Variants in TRPC5 observed in about 807,000 individuals in gnomAD.
TRPC5 encodes the protein short transient receptor potential channel 5.
Under a neutral mutation model 56.5 loss-of-function variants are expected in TRPC5, and 9 were observed. The ratio of observed to expected loss-of-function variants is 0.16; its 90% CI spans 0.10 to 0.28. The LOEUF is 0.28. Among genes scored for constraint, TRPC5 ranks in the 10% least tolerant of loss-of-function variants. The pLI, the probability that TRPC5 is intolerant of heterozygous loss-of-function variation, is 1.00. For synonymous variants in TRPC5, 282 were observed against 278.5 expected (o/e 1.01, Z -0.13); for missense variants, 469 against 748.9 (o/e 0.63, Z 4.36).
At chrX:111,885,500 TA>T (rs200099189) in intron 3 of TRPC5, among the ~76,000 whole-genome samples, 2,904 of 110,458 alleles carry the variant, frequency 0.026, 94 homozygotes, top group African/African-American at 0.092. Context: ...GAAAACCCCT[TA>T]TTCCTGGAAA....
At chrX:111,879,927 T>C (rs1924127619) in intron 3 of TRPC5, among the ~76,000 whole-genome samples, 1 of 112,089 alleles carries the variant, frequency 8.9e-6, no homozygotes, top group Admixed American at 9.5e-5. Context: ...CATTTTTTTT[T>C]TTCTCAAATG....
At chrX:111,802,121 T>A (rs1459386898) in intron 7 of TRPC5, among the ~76,000 whole-genome samples, 1 of 112,191 alleles carries the variant, frequency 8.9e-6, no homozygotes, top group Non-Finnish European at 1.9e-5. Flanking sequence ...GCACCGTTTG[T>A]TAGAAAAGAC....
At chrX:111,969,067 A>G (rs1005810140) in intron 1 of TRPC5, among the ~76,000 whole-genome samples, 2 of 110,649 alleles carry the variant, frequency 1.8e-5, no homozygotes, top group Non-Finnish European at 3.8e-5. Context: ...AACAAAAAAA[A>G]TTGCCACAGC....
intron 1 of TRPC5, among the ~76,000 whole-genome samples, chrX:111,995,956 GT>G (rs1253635869): frequency 6.8e-5 from 7 of 103,563 alleles, no homozygotes; most frequent in Admixed American, 1.0e-4. Context: ...TTTTTTGAAG[GT>G]TTTTTTTTTG....
At chrX:111,844,757 G>C (rs1424038321) in intron 6 of TRPC5, among the ~76,000 whole-genome samples, 1 of 110,234 alleles carries the variant, frequency 9.1e-6, no homozygotes, top group African/African-American at 3.3e-5. Context: ...GGGTCACCGC[G>C]ACTGGCCTGT....
chrX:111,994,664 C>G (rs1488804692), intron 1 of TRPC5, among the ~76,000 whole-genome samples: 2 of 111,052 alleles, frequency 1.8e-5, no homozygotes, highest in Non-Finnish European at 3.8e-5. Flanking sequence ...TCTTTTTAGC[C>G]ATTGTGAATG....
In TRPC5 at chrX:111,952,029, G is replaced by A. The variant is rs1413620537; in HGVS notation, c.378+14C>T. 1.7e-6 allele frequency: 2 copies of A among 1,193,374 alleles called. No homozygotes were observed. The highest frequency in any genetic ancestry group is 2.3e-6 in the Non-Finnish European group (2 of 885,483). ...GTGCCTGGCTATTTCCCAGCCTATA[G>A]GAATTTCTCTTACCTGCTTCTCTCC... On this transcript the variant is annotated intron_variant, in intron 2 of 10. Coordinates refer to ENST00000262839, the MANE Select transcript of TRPC5 (RefSeq NM_012471.3).
At chrX:112,024,458 T>G (rs189173031) in intron 1 of TRPC5, among the ~76,000 whole-genome samples, 7 of 111,967 alleles carry the variant, frequency 6.3e-5, no homozygotes, top group Non-Finnish European at 1.1e-4. Flanking sequence ...AACTGAAATA[T>G]CAGCTCTTCT....
At chrX:111,795,537 A>C (rs188940687) in intron 7 of TRPC5, among the ~76,000 whole-genome samples, 57 of 110,924 alleles carry the variant, frequency 5.1e-4, no homozygotes, top group African/African-American at 1.7e-3. Flanking sequence ...TGTATATGTC[A>C]TCACAATGAC....
chrX:112,022,514 C>T (rs993567932), intron 1 of TRPC5, among the ~76,000 whole-genome samples: 3 of 112,066 alleles, frequency 2.7e-5, no homozygotes, highest in Non-Finnish European at 5.6e-5. Context: ...AAGCTCAATA[C>T]CTGTGTTGCA....
intron 1 of TRPC5, among the ~76,000 whole-genome samples, chrX:111,977,106 A>C (rs1476542651): frequency 9.0e-6 from 1 of 111,280 alleles, no homozygotes; most frequent in African/African-American, 3.3e-5. Context: ...TTCCTATCAA[A>C]ATCCCAAATG....
At chrX:111,858,767 A>C (rs1421892348) in intron 3 of TRPC5, among the ~76,000 whole-genome samples, 1 of 111,997 alleles carries the variant, frequency 8.9e-6, no homozygotes, top group East Asian at 2.8e-4. Flanking sequence ...CAGTTACCCA[A>C]GAGACTTTCC....
intron 3 of TRPC5, chrX:111,902,169 A>T (rs1925385751): frequency 8.9e-7 from 1 of 1,121,404 alleles, no homozygotes; most frequent in Admixed American, 3.0e-5. Context: ...ATAAATGATG[A>T]CTTAACAGGT....
chrX:111,821,772 C>A (rs750500683), intron 7 of TRPC5, among the ~76,000 whole-genome samples: 33 of 112,556 alleles, frequency 2.9e-4, no homozygotes, highest in Admixed American at 1.7e-3. Context: ...CACCCTCAGA[C>A]AATGACCTTT....
chrX:111,894,383 A>G (rs181941836), intron 3 of TRPC5, among the ~76,000 whole-genome samples: 165 of 112,166 alleles, frequency 1.5e-3, no homozygotes, highest in Non-Finnish European at 2.7e-3. Context: ...CAGACAAAAA[A>G]AGTCCCAAGA....
intron 3 of TRPC5, among the ~76,000 whole-genome samples, chrX:111,866,091 C>T (rs1468978792): frequency 2.7e-5 from 3 of 113,191 alleles, no homozygotes; most frequent in Non-Finnish European, 5.6e-5. Flanking sequence ...TGGTTGATTC[C>T]ATAGACCAAG....
chrX:112,071,569 C>A (rs1341664482), intron 1 of TRPC5, among the ~76,000 whole-genome samples: 1 of 111,589 alleles, frequency 9.0e-6, no homozygotes, highest in Non-Finnish European at 1.9e-5. Flanking sequence ...GTGCCATATG[C>A]TCTCTGTTGC....
intron 2 of TRPC5, among the ~76,000 whole-genome samples, chrX:111,913,376 A>T (rs145577872): frequency 0.017 from 1,931 of 111,364 alleles, 30 homozygotes; most frequent in African/African-American, 0.06. Context: ...ATATAACTTC[A>T]GGGGACCAAA....
At chrX:112,031,970 A>G (rs987123141) in intron 1 of TRPC5, among the ~76,000 whole-genome samples, 5 of 110,486 alleles carry the variant, frequency 4.5e-5, no homozygotes, top group African/African-American at 1.3e-4. Flanking sequence ...CTGCAGAATA[A>G]GAGAATGCAT....
Sources: gnomAD v4.1 joint callset for allele counts (sites outside exome capture counted in the v4.1 genomes callset) on GRCh38, gnomAD v4.1.1 for gene constraint, MANE v1.5 for transcripts, NCBI Gene and HGNC (gene_info 2026-07-23, HGNC 2026-07-21) for gene names.